ENOX1: variants seen among roughly 807,000 people sequenced by gnomAD.
ENOX1 encodes ecto-NOX disulfide-thiol exchanger 1.
In ENOX1, 42 loss-of-function variants were observed where a neutral mutation model predicts 82.5. That is an observed-to-expected ratio of 0.51 (90% CI 0.40 to 0.66). The LOEUF is 0.66. ENOX1 is among the 30% of genes least tolerant of loss of function. The pLI is 0.00. For synonymous variants in ENOX1, 271 were observed against 282.2 expected (o/e 0.96, Z 0.40); for missense variants, 608 against 811.6 (o/e 0.75, Z 3.05).
intron 1 of ENOX1, among the ~76,000 whole-genome samples, chr13:43,778,772 T>TATAG (rs138840868): frequency 0.15 from 22,889 of 152,136 alleles, 1,981 homozygotes; most frequent in East Asian, 0.34. Flanking sequence ...AGCCTAAGAT[T>TATAG]ATAGATTATA....
intron 11 of ENOX1, among the ~76,000 whole-genome samples, chr13:43,304,760 G>A (rs920488119): frequency 2.0e-5 from 3 of 152,074 alleles, no homozygotes; most frequent in African/African-American, 2.4e-5. Flanking sequence ...CCTCTCAAAC[G>A]GCCACACTGA....
chr13:43,769,340 G>A (rs146738901), intron 1 of ENOX1, among the ~76,000 whole-genome samples: 201 of 152,172 alleles, frequency 1.3e-3, no homozygotes, highest in African/African-American at 4.0e-3. Flanking sequence ...CCACCCTAAT[G>A]AGCTTCCCCA....
chr13:43,773,436 T>C (rs879377902), intron 1 of ENOX1, among the ~76,000 whole-genome samples: 1 of 152,204 alleles, frequency 6.6e-6, no homozygotes, highest in African/African-American at 2.4e-5. Context: ...GTCCCCAGCA[T>C]GGTTTACTAG....
chr13:43,271,951 T>G (rs980723735), intron 12 of ENOX1, among the ~76,000 whole-genome samples: 25 of 152,158 alleles, frequency 1.6e-4, no homozygotes, highest in Non-Finnish European at 2.9e-5. Flanking sequence ...TAAATTAGCA[T>G]TATGTTTTTA....
chr13:43,329,044 T>C (rs1287078852), intron 9 of ENOX1, among the ~76,000 whole-genome samples: 2 of 152,198 alleles, frequency 1.3e-5, no homozygotes, highest in East Asian at 3.8e-4. Flanking sequence ...TAGGTGGCAT[T>C]AGAAAACATT....
At chr13:43,434,768 A>G (rs2055889688) in intron 3 of ENOX1, among the ~76,000 whole-genome samples, 1 of 152,150 alleles carries the variant, frequency 6.6e-6, no homozygotes, top group Admixed American at 6.5e-5. Flanking sequence ...GGCTAAAATG[A>G]GTACTTTATT....
At chr13:43,410,346 A>G (rs1238366204) in intron 5 of ENOX1, among the ~76,000 whole-genome samples, 4 of 152,136 alleles carry the variant, frequency 2.6e-5, no homozygotes, top group Admixed American at 2.0e-4. Flanking sequence ...CTTTAGGGAA[A>G]AGGGGCCTGG....
chr13:43,412,437 G>C (rs918181387), intron 4 of ENOX1, among the ~76,000 whole-genome samples: 1 of 152,124 alleles, frequency 6.6e-6, no homozygotes, highest in East Asian at 1.9e-4. Context: ...TGTAATTCTT[G>C]AGCAGGCAGG....
intron 2 of ENOX1, among the ~76,000 whole-genome samples, chr13:43,504,022 A>T (rs1403652695): frequency 1.3e-5 from 2 of 151,832 alleles, no homozygotes; most frequent in Admixed American, 6.6e-5. Context: ...AATCCAATAA[A>T]AATGGGTAAA....
At chr13:43,517,177 G>A (rs927008474) in intron 2 of ENOX1, among the ~76,000 whole-genome samples, 1 of 152,006 alleles carries the variant, frequency 6.6e-6, no homozygotes, top group African/African-American at 2.4e-5. Context: ...ATATGTTTAC[G>A]GAGCTTTTGG....
At chr13:43,623,542 C>G (rs1012576953) in intron 2 of ENOX1, among the ~76,000 whole-genome samples, 1 of 152,100 alleles carries the variant, frequency 6.6e-6, no homozygotes, top group Admixed American at 6.5e-5. Context: ...AGTGTGTGTT[C>G]GGGAGAGGAT....
intron 14 of ENOX1, among the ~76,000 whole-genome samples, chr13:43,259,531 C>T (rs1391134364): frequency 3.9e-5 from 6 of 152,104 alleles, no homozygotes; most frequent in African/African-American, 1.2e-4. Flanking sequence ...TGCAGTGGTG[C>T]GATCTCGGCT....
chr13:43,216,920 C>A (rs925759836), intron 16 of ENOX1, among the ~76,000 whole-genome samples: 1 of 152,230 alleles, frequency 6.6e-6, no homozygotes. Flanking sequence ...TGACAACTTA[C>A]AATCACCAGG....
chr13:43,699,982 T>A (rs2086827845), intron 1 of ENOX1, among the ~76,000 whole-genome samples: 1 of 152,206 alleles, frequency 6.6e-6, no homozygotes, highest in Non-Finnish European at 1.5e-5. Flanking sequence ...TATTTTGAAC[T>A]ATATATTAAT....
chr13:43,431,365 C>A lies in ENOX1; in HGVS notation c.-74-18377G>T, dbSNP rs558973858. Reference sequence around the variant, plus strand: ...CACTTGTGGTTCCTCCAGGTAACTGCGCAACCACCCTGCTCCCTCACCTGG... The same window carrying A: ...CACTTGTGGTTCCTCCAGGTAACTGAGCAACCACCCTGCTCCCTCACCTGG... On this transcript the variant is annotated intron_variant, in intron 3 of 16. Coordinates refer to ENST00000690772, the MANE Select transcript of ENOX1 (RefSeq NM_001347969.2). Among the ~76,000 whole-genome samples the A allele has an allele frequency of 5.0e-4, 76 of 152,264 alleles. 2 individuals carry two copies. The South Asian group carries it at 0.015, about 29-fold the overall frequency.
At chr13:43,228,656 C>T (rs2042134101) in intron 15 of ENOX1, among the ~76,000 whole-genome samples, 1 of 152,098 alleles carries the variant, frequency 6.6e-6, no homozygotes, top group Non-Finnish European at 1.5e-5. Flanking sequence ...TTTAAATTAA[C>T]CAAATAGTGC....
intron 2 of ENOX1, among the ~76,000 whole-genome samples, chr13:43,631,303 G>T (rs1397169664): frequency 1.3e-5 from 2 of 152,160 alleles, no homozygotes; most frequent in Non-Finnish European, 2.9e-5. Flanking sequence ...ACCTGGTTCT[G>T]GGTTAGGGCC....
At chr13:43,750,546 A>T (rs1369727192) in intron 1 of ENOX1, among the ~76,000 whole-genome samples, 1 of 151,882 alleles carries the variant, frequency 6.6e-6, no homozygotes, top group Non-Finnish European at 1.5e-5. Flanking sequence ...TTGGTTCTCA[A>T]CTCCACTCTG....
intron 5 of ENOX1, among the ~76,000 whole-genome samples, chr13:43,393,132 G>GT (rs1328915316): frequency 4.6e-5 from 7 of 152,194 alleles, no homozygotes; most frequent in Admixed American, 3.9e-4. Flanking sequence ...GTGAAGCATT[G>GT]TATTTTTTAA....
Sources: gnomAD v4.1 joint callset for allele counts (sites outside exome capture counted in the v4.1 genomes callset) on GRCh38, gnomAD v4.1.1 for gene constraint, MANE v1.5 for transcripts, NCBI Gene and HGNC (gene_info 2026-07-23, HGNC 2026-07-21) for gene names.